The following EIF4G3 variants were observed in gnomAD, a reference collection of about 807,000 sequenced individuals.
EIF4G3 encodes eIF-4-gamma 3.
Under a neutral mutation model 186.4 loss-of-function variants are expected in EIF4G3, and 34 were observed. The observed-to-expected ratio is 0.18, with a 90% CI of 0.14 to 0.24. The LOEUF (loss-of-function observed/expected upper bound fraction) is 0.24, where lower values mean the gene tolerates loss of function less well. Ranked by LOEUF, EIF4G3 falls within the 10% of genes least tolerant of loss-of-function variation. The pLI is 1.00. For missense variants in EIF4G3, 1,536 were observed against 1,948.5 expected, an observed-to-expected ratio of 0.79 and a Z score of 3.99; for synonymous variants, 673 against 679.5, an observed-to-expected ratio of 0.99 and a Z score of 0.15.
At chr1:20,817,965 C>T (rs748716673) in intron 33 of EIF4G3, among the ~76,000 whole-genome samples, 2 of 152,130 alleles carry the variant, frequency 1.3e-5, no homozygotes, top group African/African-American at 2.4e-5. Context: ...TGACTCACCA[C>T]GCCCAACCTG....
chr1:21,029,997 A>T lies in EIF4G3; in HGVS notation c.-67+20869T>A, dbSNP rs114179896. On this transcript the variant is annotated intron_variant, in intron 4 of 36. Transcript: ENST00000602326. ...CAGCCTCCCAAGTAGCTGAGACTAC[A>T]GGTGTAAAACACCATGCCCAACTAA... Among the ~76,000 whole-genome samples, 284 of 152,250 alleles carry T rather than the reference A, an allele frequency of 1.9e-3. 1 individual carries two copies. Among genetic ancestry groups the T allele is most frequent in the African/African-American group, 6.4e-3 (265 of 41,554 alleles).
chr1:21,168,188 G>A, intron 2 of EIF4G3: 1 of 332,820 alleles, frequency 3.0e-6, no homozygotes, highest in Non-Finnish European at 6.2e-6. Flanking sequence ...CAGATCACTT[G>A]AGGTCAGGAG....
intron 2 of EIF4G3, among the ~76,000 whole-genome samples, chr1:21,090,245 TTTC>T (rs1173576005): frequency 1.3e-5 from 2 of 152,200 alleles, no homozygotes; most frequent in East Asian, 1.9e-4. Context: ...AATTCTCCTC[TTTC>T]TTTTTTCTAG....
At chr1:20,935,623 C>T (rs2095494598) in intron 14 of EIF4G3, among the ~76,000 whole-genome samples, 1 of 152,096 alleles carries the variant, frequency 6.6e-6, no homozygotes, top group South Asian at 2.1e-4. Flanking sequence ...GATAAAAGCA[C>T]ATAATGTGTA....
At chr1:20,870,797 T>C (rs1057357793) in intron 20 of EIF4G3, among the ~76,000 whole-genome samples, 5 of 152,224 alleles carry the variant, frequency 3.3e-5, no homozygotes, top group African/African-American at 9.6e-5. Flanking sequence ...TTATTATTCA[T>C]GAAGGGAGTC....
chr1:20,906,823 C>T (rs12123910), intron 14 of EIF4G3, among the ~76,000 whole-genome samples: 41,894 of 151,566 alleles, frequency 0.28, 7,408 homozygotes, highest in Non-Finnish European at 0.39. Context: ...CACACACACA[C>T]ACACACACAA....
intron 3 of EIF4G3, among the ~76,000 whole-genome samples, chr1:21,075,697 A>G (rs2095570243): frequency 6.6e-6 from 1 of 151,642 alleles, no homozygotes; most frequent in Non-Finnish European, 1.5e-5. Context: ...GCCTTATAAA[A>G]CAGGTTATAA....
intron 11 of EIF4G3, among the ~76,000 whole-genome samples, chr1:20,972,144 T>G (rs2076025470): frequency 6.6e-6 from 1 of 152,188 alleles, no homozygotes; most frequent in African/African-American, 2.4e-5. Flanking sequence ...CTCTTGGGCC[T>G]GCCTCATTAG....
chr1:20,974,058 T>G (rs961099390), intron 10 of EIF4G3, among the ~76,000 whole-genome samples: 1 of 152,162 alleles, frequency 6.6e-6, no homozygotes, highest in Non-Finnish European at 1.5e-5. Context: ...TACTACTTGC[T>G]AAGATGAGGA....
chr1:21,115,174 G>A (rs890294653), intron 2 of EIF4G3, among the ~76,000 whole-genome samples: 6 of 152,138 alleles, frequency 3.9e-5, no homozygotes, highest in Admixed American at 2.0e-4. Flanking sequence ...TGGCTAACAC[G>A]TTCCTTGCAA....
At chr1:20,974,296 A>G (rs2076423404) in intron 10 of EIF4G3, among the ~76,000 whole-genome samples, 1 of 152,234 alleles carries the variant, frequency 6.6e-6, no homozygotes, top group Admixed American at 6.5e-5. Flanking sequence ...CAGATAGAAA[A>G]GAAGCCCAGT....
At chr1:21,128,618 T>C (rs765537287) in intron 2 of EIF4G3, among the ~76,000 whole-genome samples, 1 of 152,240 alleles carries the variant, frequency 6.6e-6, no homozygotes, top group African/African-American at 2.4e-5. Flanking sequence ...TCCAGGTTCT[T>C]TGGCCTTCAT....
At chr1:20,879,559 C>A in intron 19 of EIF4G3, 39 bp from the exon 20 acceptor site, 1 of 1,251,172 alleles carries the variant, frequency 8.0e-7, no homozygotes. Context: ...ATTAGAGTAA[C>A]TGTGACAATA....
At chr1:20,831,085 T>C (rs2065030744) in intron 30 of EIF4G3, among the ~76,000 whole-genome samples, 1 of 152,198 alleles carries the variant, frequency 6.6e-6, no homozygotes. Flanking sequence ...GTCATTGGAC[T>C]GTCAGGCTTT....
chr1:21,064,195 G>A (rs773243086), intron 3 of EIF4G3, among the ~76,000 whole-genome samples: 2 of 151,930 alleles, frequency 1.3e-5, no homozygotes, highest in African/African-American at 2.4e-5. Context: ...GCTATCCTTT[G>A]TGCCCTGCAG....
chr1:20,891,040 C>A (rs1354004041), intron 18 of EIF4G3, among the ~76,000 whole-genome samples: 2 of 152,198 alleles, frequency 1.3e-5, no homozygotes, highest in African/African-American at 4.8e-5. Flanking sequence ...TAGATAACAT[C>A]TCACTTCTAG....
chr1:20,880,405 A>C (rs1380426961), intron 19 of EIF4G3, among the ~76,000 whole-genome samples: 1 of 152,152 alleles, frequency 6.6e-6, no homozygotes, highest in African/African-American at 2.4e-5. Flanking sequence ...CCAGAAATTA[A>C]TTTTTTTAAG....
At chr1:20,925,758 T>C (rs912562584) in intron 14 of EIF4G3, among the ~76,000 whole-genome samples, 1 of 152,226 alleles carries the variant, frequency 6.6e-6, no homozygotes, top group Admixed American at 6.5e-5. Context: ...TCATGAACTC[T>C]GGGCCTCAAG....
chr1:20,992,184 A>C (rs970562800), intron 7 of EIF4G3, among the ~76,000 whole-genome samples: 2 of 152,174 alleles, frequency 1.3e-5, no homozygotes. Context: ...GCTCCAAAAA[A>C]CAAAAAGTTC....
Sources: allele counts gnomAD v4.1 joint callset (sites outside exome capture counted in the v4.1 genomes callset), GRCh38; gene constraint gnomAD v4.1.1; transcripts MANE v1.5; gene names NCBI Gene and HGNC (gene_info 2026-07-23, HGNC 2026-07-21).